RIMS2: variants seen among roughly 807,000 people sequenced by gnomAD.
RIMS2 encodes regulating synaptic membrane exocytosis 2.
RIMS2 carries 59 observed loss-of-function variants against 174.4 expected under a neutral mutation model. That is an observed-to-expected ratio of 0.34 (90% CI 0.27 to 0.42). The LOEUF (loss-of-function observed/expected upper bound fraction) is 0.42, where lower values mean the gene tolerates loss of function less well. RIMS2 is among the 10% of genes least tolerant of loss of function. The pLI is 1.00. For missense variants in RIMS2, 1,620 were observed against 1,666.3 expected (o/e 0.97, Z 0.48); for synonymous variants, 606 against 572.5 (o/e 1.06, Z -0.84).
chr8:104,178,336 G>A (rs1586659626), intron 19 of RIMS2, among the ~76,000 whole-genome samples: 1 of 152,138 alleles, frequency 6.6e-6, no homozygotes, highest in Admixed American at 6.5e-5. Flanking sequence ...AGCTCCTAGA[G>A]CTGGCCTGCA....
chr8:104,064,426 C>G (rs2097065764), intron 19 of RIMS2, among the ~76,000 whole-genome samples: 1 of 151,788 alleles, frequency 6.6e-6, no homozygotes, highest in East Asian at 1.9e-4. Context: ...TGTGCTCTGC[C>G]TTAAAATTTC....
At chr8:103,724,082 C>T (rs1405958180) in intron 2 of RIMS2, among the ~76,000 whole-genome samples, 1 of 136,352 alleles carries the variant, frequency 7.3e-6, no homozygotes, top group Non-Finnish European at 1.6e-5. Flanking sequence ...AATGATCTCT[C>T]TTGGCACTGT....
chr8:104,093,482 A>G, intron 19 of RIMS2: 1 of 1,596,254 alleles, frequency 6.3e-7, no homozygotes, highest in Non-Finnish European at 8.5e-7. Context: ...ATCGATCAGG[A>G]TGGGATCCTC....
At chr8:103,643,211 A>G (rs2096264782) in intron 1 of RIMS2, among the ~76,000 whole-genome samples, 1 of 151,910 alleles carries the variant, frequency 6.6e-6, no homozygotes. Flanking sequence ...TGTCAAAGGC[A>G]TTCTTTATTT....
At chr8:103,943,034 G>A (rs568295674) in intron 14 of RIMS2, 108 bp downstream of exon 16, 7 of 786,760 alleles carry the variant, frequency 8.9e-6, no homozygotes, top group Non-Finnish European at 1.2e-5. Context: ...ATAGTCATTT[G>A]TTAGTGTTTC....
At chr8:104,012,892 G>A (rs1379656676) in intron 17 of RIMS2, among the ~76,000 whole-genome samples, 1 of 152,116 alleles carries the variant, frequency 6.6e-6, no homozygotes, top group Non-Finnish European at 1.5e-5. Flanking sequence ...TCTACAGAGT[G>A]ATTTTTCTTG....
chr8:103,773,872 T>C (rs984901590), intron 3 of RIMS2, among the ~76,000 whole-genome samples: 3 of 152,190 alleles, frequency 2.0e-5, no homozygotes, highest in Non-Finnish European at 4.4e-5. Context: ...CTAGTGAAAG[T>C]ATAAAACATT....
intron 17 of RIMS2, among the ~76,000 whole-genome samples, chr8:104,012,064 A>AT (rs1369779857): frequency 6.6e-6 from 1 of 151,912 alleles, no homozygotes; most frequent in African/African-American, 2.4e-5. Flanking sequence ...GTAATTAAAT[A>AT]TTTTTTATAT....
chr8:103,886,820 G>A lies in RIMS2; in HGVS notation c.1624+597G>A, dbSNP rs536230147. ...GCCATTAGATGTTCTTTAGTAATAC[G>A]TTTTAAATAGCTACACTAATATTCT... On this transcript the variant is annotated intron_variant, in intron 4 of 23. Coordinates refer to ENST00000504942, the Ensembl canonical transcript of RIMS2. Among the ~76,000 whole-genome samples the A allele has an allele frequency of 6.6e-5, 10 of 150,926 alleles. 1 individual carries two copies. Among genetic ancestry groups the A allele is most frequent in the African/African-American group, 1.7e-4 (7 of 41,172 alleles).
intron 3 of RIMS2, among the ~76,000 whole-genome samples, chr8:103,779,263 T>C (rs1325848429): frequency 6.6e-6 from 1 of 152,176 alleles, no homozygotes; most frequent in Admixed American, 6.6e-5. Context: ...AGAATCCCAT[T>C]TGTCTGTTTT....
intron 1 of RIMS2, among the ~76,000 whole-genome samples, chr8:103,543,326 C>T (rs140346695): frequency 4.4e-4 from 67 of 151,894 alleles, no homozygotes; most frequent in Non-Finnish European, 6.9e-4. Context: ...GATAAGTACA[C>T]GGAAAAGTAT....
intron 1 of RIMS2, among the ~76,000 whole-genome samples, chr8:103,581,518 A>T (rs2093618805): frequency 6.6e-6 from 1 of 152,106 alleles, no homozygotes; most frequent in Non-Finnish European, 1.5e-5. Context: ...AGCTAACATC[A>T]TACTGAATGG....
chr8:103,753,474 C>G (rs11781707), intron 2 of RIMS2, among the ~76,000 whole-genome samples: 17,623 of 152,154 alleles, frequency 0.12, 1,355 homozygotes, highest in Non-Finnish European at 0.17. Context: ...GGAGGATTCC[C>G]TCTTTTTCTA....
intron 1 of RIMS2, among the ~76,000 whole-genome samples, chr8:103,543,649 T>C (rs1201847368): frequency 3.9e-5 from 6 of 152,116 alleles, no homozygotes; most frequent in Non-Finnish European, 7.4e-5. Context: ...TAAACAGATA[T>C]ATAGACCAGT....
chr8:104,149,473 C>G (rs959885307), intron 19 of RIMS2, among the ~76,000 whole-genome samples: 2 of 152,310 alleles, frequency 1.3e-5, no homozygotes, highest in African/African-American at 4.8e-5. Context: ...TAAATCACAT[C>G]TGCAAAAATA....
intron 19 of RIMS2, among the ~76,000 whole-genome samples, chr8:104,047,197 A>G (rs1176043425): frequency 6.7e-6 from 1 of 149,246 alleles, no homozygotes; most frequent in Non-Finnish European, 1.5e-5. Context: ...TTTGGAATGC[A>G]ACATTTTTTA....
intron 1 of RIMS2, among the ~76,000 whole-genome samples, chr8:103,648,901 A>G (rs1262458619): frequency 6.6e-6 from 1 of 152,060 alleles, no homozygotes; most frequent in Non-Finnish European, 1.5e-5. Context: ...CCAGCTTGCA[A>G]TTTTGTGTCT....
At chr8:104,013,466 G>T in exon 18 of RIMS2, 1 of 1,613,714 alleles carries the variant, frequency 6.2e-7, no homozygotes. Context: ...CAGATAGACA[G>T]CCATATCACA....
Position 104,039,051 on chromosome 8 carries a change from A to T in RIMS2, c.3334+24436A>T, listed in dbSNP as rs919735988. ...AAATTTTGTACTTCCTGAAAAAAAA[A>T]TTTTTATTGTTGATTCTAAGATAAG... On this transcript the variant is annotated intron_variant, in intron 19 of 23. Transcript: ENST00000504942. 4.6e-5 allele frequency among the ~76,000 whole-genome samples: 7 copies of T among 151,754 alleles called. No individual in the cohort carries two copies. In the East Asian group the frequency reaches 9.6e-4, roughly 21 times the overall value.
Sources: allele counts gnomAD v4.1 joint callset (sites outside exome capture counted in the v4.1 genomes callset), GRCh38; gene constraint gnomAD v4.1.1; transcripts MANE v1.5; gene names NCBI Gene and HGNC (gene_info 2026-07-23, HGNC 2026-07-21).